The following PIR variants were observed in gnomAD, a reference collection of about 807,000 sequenced individuals.
PIR encodes the protein pirin (iron-binding nuclear protein).
PIR carries 22 observed loss-of-function variants against 24.2 expected under a neutral mutation model. That is an observed-to-expected ratio of 0.91 (90% CI 0.65 to 1.30). The LOEUF is 1.30. Among genes scored for constraint, PIR ranks in the 50% most tolerant of loss-of-function variants. The probability of loss-of-function intolerance (pLI) is 0.00; values close to 1 mark genes in which losing one functional copy is unlikely to be tolerated. For missense variants in PIR, 220 were observed against 220.3 expected (o/e 1.00, Z 0.01); for synonymous variants, 80 against 79.6 (o/e 1.00, Z -0.03).
intron 5 of PIR, among the ~76,000 whole-genome samples, chrX:15,443,800 G>A (rs779188616): frequency 2.4e-4 from 27 of 111,698 alleles, no homozygotes; most frequent in Non-Finnish European, 3.8e-4. Context: ...AGACTTCAGC[G>A]GAGGAAGTCA....
At chrX:15,438,509 C>T (rs192227953) in intron 5 of PIR, among the ~76,000 whole-genome samples, 287 of 112,238 alleles carry the variant, frequency 2.6e-3, no homozygotes, top group African/African-American at 8.0e-3. Context: ...CTGTCACTTA[C>T]TATATGTGTA....
chrX:15,489,155 A>G (rs1168527462), intron 2 of PIR, among the ~76,000 whole-genome samples: 1 of 112,134 alleles, frequency 8.9e-6, no homozygotes, highest in East Asian at 2.8e-4. Context: ...GTTAGTAGAT[A>G]TATCGAAATA....
In PIR at chrX:15,443,148, T is replaced by C. The variant is rs910535741; in HGVS notation, c.480+12700A>G. Among the ~76,000 whole-genome samples the C allele has an allele frequency of 3.6e-5, 4 of 111,980 alleles. No homozygotes were observed. The South Asian group carries it at 1.5e-3, about 41-fold the overall frequency. On this transcript the variant is annotated intron_variant, in intron 5 of 9. Transcript: ENST00000380420. The stretch of plus-strand genomic sequence containing the variant: ...GTTGAAGCCAGTGTTCATTTACCAT[T>C]GTAAAAATCCTAGGGCCCTTAAGAA...
intron 8 of PIR, among the ~76,000 whole-genome samples, chrX:15,390,460 A>C (rs6527553): frequency 9.1e-6 from 1 of 109,913 alleles, no homozygotes; most frequent in Non-Finnish European, 1.9e-5. Flanking sequence ...AATAAGTCCA[A>C]GCCACCAAAA....
chrX:15,485,429 C>T (rs923349795), intron 2 of PIR, among the ~76,000 whole-genome samples: 12 of 111,622 alleles, frequency 1.1e-4, no homozygotes, highest in Middle Eastern at 4.2e-3. Flanking sequence ...TCCCAGAGGC[C>T]TCCCCTCCTA....
In PIR at chrX:15,491,200, C is replaced by G. The variant is rs1477252543; in HGVS notation, c.58G>C (p.Val20Leu). 1 of 1,208,195 alleles carries G rather than the reference C, an allele frequency of 8.3e-7. No individual in the cohort carries two copies. The highest frequency in any genetic ancestry group is 1.1e-6 in the Non-Finnish European group (1 of 892,875). The change falls in exon 2 of 10, where the codon GTT (valine) becomes CTT (leucine). Residue 20 changes from valine to leucine, a missense_variant. Coordinates refer to ENST00000380420, the MANE Select transcript of PIR (RefSeq NM_001018109.3). ...SVLSREQSEG[V>L]GARVRRSIGR... ...ATGCTTCTCCGGACCCTCGCTCCAA[C>G]CCCTTCCGACTGCTCCCGGCTGAGC...
At chrX:15,431,968 A>T (rs1232355168) in intron 5 of PIR, among the ~76,000 whole-genome samples, 1 of 110,677 alleles carries the variant, frequency 9.0e-6, no homozygotes, top group Non-Finnish European at 1.9e-5. Flanking sequence ...AAAAGCAGAA[A>T]TTGGTATCTC....
intron 5 of PIR, among the ~76,000 whole-genome samples, chrX:15,447,744 AG>A (rs1207287452): frequency 4.5e-5 from 5 of 112,257 alleles, no homozygotes; most frequent in African/African-American, 1.6e-4. Context: ...TTCTGTGGTT[AG>A]AAAAAATATG....
intron 3 of PIR, among the ~76,000 whole-genome samples, chrX:15,471,480 G>T (rs890767345): frequency 9.0e-6 from 1 of 111,714 alleles, no homozygotes; most frequent in Non-Finnish European, 1.9e-5. Context: ...CTTGGGCTTC[G>T]AAGCTTGGGC....
intron 2 of PIR, among the ~76,000 whole-genome samples, chrX:15,489,908 C>T (rs1923064044): frequency 9.0e-6 from 1 of 111,474 alleles, no homozygotes; most frequent in Non-Finnish European, 1.9e-5. Context: ...TGGTGGTTAC[C>T]CCGGCTAGGG....
chrX:15,474,303 C>T (rs904046563), intron 3 of PIR, among the ~76,000 whole-genome samples: 4 of 112,291 alleles, frequency 3.6e-5, no homozygotes, highest in African/African-American at 1.3e-4. Flanking sequence ...TGAAGTATGG[C>T]TGCTGGGATT....
At chrX:15,451,491 T>G (rs1920965896) in intron 5 of PIR, among the ~76,000 whole-genome samples, 2 of 111,912 alleles carry the variant, frequency 1.8e-5, no homozygotes, top group African/African-American at 3.2e-5. Flanking sequence ...TTAGCTAATT[T>G]TATTGTTCTC....
intron 6 of PIR, among the ~76,000 whole-genome samples, chrX:15,420,087 C>G (rs192295656): frequency 9.1e-6 from 1 of 109,434 alleles, no homozygotes; most frequent in Non-Finnish European, 1.9e-5. Flanking sequence ...GTCTCAGGTA[C>G]TCGGGAGGCT....
intron 2 of PIR, among the ~76,000 whole-genome samples, chrX:15,486,308 AAAAG>A (rs1922814111): frequency 2.9e-5 from 3 of 103,057 alleles, no homozygotes; most frequent in African/African-American, 7.3e-5. Flanking sequence ...CAAAAAAAAA[AAAAG>A]AAGGTCAATC....
chrX:15,463,513 G>A (rs1921401677), intron 3 of PIR, among the ~76,000 whole-genome samples: 1 of 112,000 alleles, frequency 8.9e-6, no homozygotes, highest in East Asian at 2.8e-4. Context: ...ATCAGGGCTG[G>A]CTGACACAAG....
chrX:15,433,452 A>AAGAAGG (rs1228307656), intron 5 of PIR, among the ~76,000 whole-genome samples: 2 of 105,005 alleles, frequency 1.9e-5, no homozygotes, highest in Admixed American at 1.1e-4. Context: ...AAGAAAGAAG[A>AAGAAGG]AGAAGGAGAA....
chrX:15,447,577 C>A lies in PIR; in HGVS notation c.480+8271G>T, dbSNP rs543266110. 3.4e-4 allele frequency among the ~76,000 whole-genome samples: 38 copies of A among 112,002 alleles called. No individual in the cohort carries two copies. In the South Asian group the frequency reaches 0.013, roughly 40 times the overall value. On this transcript the variant is annotated intron_variant, in intron 5 of 9. Transcript: ENST00000380420. ...TCGTGATCCGGCCGCCTCGGCCTCC[C>A]AAAGTGCTGGGATTACAGGCGTGAG...
In PIR at chrX:15,406,541, G is replaced by T. The variant is rs767451719; in HGVS notation, c.610+965C>A. Reference sequence around the variant, plus strand: ...CAGTACTTTCATGCTGCCCTGATTGGTTTCAGAGAAAAGCCTTCAAGCAAA... The same window carrying T: ...CAGTACTTTCATGCTGCCCTGATTGTTTTCAGAGAAAAGCCTTCAAGCAAA... On this transcript the variant is annotated intron_variant, in intron 7 of 9. Transcript: ENST00000380420. Among the ~76,000 whole-genome samples, 134 of 111,787 alleles carry T rather than the reference G, an allele frequency of 1.2e-3. 1 individual carries two copies. Among genetic ancestry groups the T allele is most frequent in the African/African-American group, 4.1e-3 (125 of 30,750 alleles).
At chrX:15,415,309 G>C (rs953996455) in intron 6 of PIR, among the ~76,000 whole-genome samples, 3 of 111,818 alleles carry the variant, frequency 2.7e-5, no homozygotes, top group Non-Finnish European at 5.6e-5. Context: ...TCTTAGAGCA[G>C]TTTCTGGCAA....
Sources: allele counts gnomAD v4.1 joint callset (sites outside exome capture counted in the v4.1 genomes callset), GRCh38; gene constraint gnomAD v4.1.1; transcripts MANE v1.5; gene names NCBI Gene and HGNC (gene_info 2026-07-23, HGNC 2026-07-21).